Variants in RAD50 observed in about 807,000 individuals in gnomAD.
RAD50 encodes RAD50 double strand break repair protein, also known as DNA repair protein RAD50.
In RAD50, 132 loss-of-function variants were observed where a neutral mutation model predicts 168.8. That is an observed-to-expected ratio of 0.78 (90% CI 0.68 to 0.90). RAD50 has a LOEUF of 0.90. Among genes scored for constraint, RAD50 ranks in the 40% least tolerant of loss-of-function variants. The pLI is 0.00. For missense variants in RAD50, 1,347 were observed against 1,534.4 expected (o/e 0.88, Z 2.04); for synonymous variants, 525 against 497.4 (o/e 1.06, Z -0.74).
At chr5:132,604,191 A>G (rs1750940599) in intron 15 of RAD50, 145 bp downstream of exon 15, 7 of 972,254 alleles carry the variant, frequency 7.2e-6, no homozygotes, top group Non-Finnish European at 1.1e-5. Flanking sequence ...GAAAAGCATC[A>G]CTTCTCTTTG....
chr5:132,613,871 A>T (rs901003755), intron 19 of RAD50, among the ~76,000 whole-genome samples: 1 of 152,190 alleles, frequency 6.6e-6, no homozygotes, highest in African/African-American at 2.4e-5. Context: ...TGCTGGGATT[A>T]CAGGTATGAG....
chr5:132,562,473 G>A (rs1219918402), intron 2 of RAD50, among the ~76,000 whole-genome samples: 1 of 152,120 alleles, frequency 6.6e-6, no homozygotes, highest in Non-Finnish European at 1.5e-5. Context: ...TAATGGTTTG[G>A]ATAATGGTGT....
intron 4 of RAD50, 95 bp downstream of exon 4, chr5:132,579,597 C>A: frequency 7.6e-7 from 1 of 1,323,590 alleles, no homozygotes; most frequent in Non-Finnish European, 1.1e-6. Flanking sequence ...ATTTAAAAAG[C>A]AGAAAGGTCA....
At chr5:132,594,468 G>C (rs1377218073) in intron 11 of RAD50, among the ~76,000 whole-genome samples, 1 of 152,166 alleles carries the variant, frequency 6.6e-6, no homozygotes, top group Non-Finnish European at 1.5e-5. Flanking sequence ...GGATACAAAA[G>C]AAACAGTATT....
In RAD50 at chr5:132,557,350, T is replaced by C; in HGVS notation, c.26T>C (p.Ile9Thr). The C allele has an allele frequency of 6.2e-7, 1 of 1,614,130 alleles. No homozygotes were observed. Among genetic ancestry groups the C allele is most frequent in the Non-Finnish European group, 8.5e-7 (1 of 1,179,950 alleles). The change falls in exon 1 of 25, where the codon ATT becomes ACT. Residue 9 changes from isoleucine to threonine, a missense_variant. Around this residue, in one of 3 missense-constraint regions of RAD50, gnomAD observed 703 missense variants for 767.7 expected, o/e 0.92. Coordinates refer to ENST00000378823, the MANE Select transcript of RAD50 (RefSeq NM_005732.4). MSRIEKMS[I>T]LGVRSFGIED... ...ATGTCCCGGATCGAAAAGATGAGCA[T>C]TCTGGGCGTGCGGAGTTTTGGAATA...
At chr5:132,615,925 C>G in intron 19 of RAD50, 78 bp from the exon 20 acceptor site, 2 of 1,305,468 alleles carry the variant, frequency 1.5e-6, no homozygotes, top group Non-Finnish European at 2.2e-6. Flanking sequence ...ATGGCACTTG[C>G]TGTCACCAGT....
At chr5:132,631,861 G>A (rs967593904) in intron 21 of RAD50, among the ~76,000 whole-genome samples, 3 of 152,068 alleles carry the variant, frequency 2.0e-5, no homozygotes, top group African/African-American at 7.3e-5. Context: ...GTGAGCCACC[G>A]CACCCAGCCC....
chr5:132,602,415 G>A (rs1750904527), intron 13 of RAD50, among the ~76,000 whole-genome samples: 1 of 152,098 alleles, frequency 6.6e-6, no homozygotes, highest in African/African-American at 2.4e-5. Context: ...AGAGGCATCA[G>A]CAAAAATAGT....
chr5:132,579,319 A>G lies in RAD50; in HGVS notation c.368A>G (p.His123Arg), dbSNP rs1185182721. 3 of 1,613,580 alleles carry G rather than the reference A, an allele frequency of 1.9e-6. No individual in the cohort carries two copies. The highest frequency in any genetic ancestry group is 3.3e-5 in the Admixed American group (2 of 60,010). Residue 123 changes from histidine to arginine, a missense_variant and splice_region_variant, in exon 4 of 25, where the codon CAT becomes CGT. Physicochemically the swap from His to Arg is conservative, Grantham distance 29 (BLOSUM62 0). Coordinates refer to ENST00000378823, the MANE Select transcript of RAD50 (RefSeq NM_005732.4). ...TLEGVITRTK[H>R]GEKVSLSSKC... ...TTCTTGATTTTCATTTTCTGTAGGC[A>G]TGGTGAAAAGGTCAGTCTGAGCTCT...
Position 132,640,752 on chromosome 5 carries a change from A to G in RAD50, c.3699A>G (p.Pro1233=). The G allele has an allele frequency of 6.2e-7, 1 of 1,614,230 alleles. No individual in the cohort carries two copies. Among genetic ancestry groups the G allele is most frequent in the Non-Finnish European group, 8.5e-7 (1 of 1,180,040 alleles). Residue 1233 remains proline, a synonymous_variant, in exon 24 of 25, where the codon CCA becomes CCG. Coordinates refer to ENST00000378823, the MANE Select transcript of RAD50 (RefSeq NM_005732.4). ...GTGGCATCATTGCCTTGGATGAGCC[A>G]ACAACAAATCTTGACCGAGAAAACA... is the stretch of plus-strand genomic sequence containing the variant. ...LNCGIIALDE[P]TTNLDRENIE...
intron 2 of RAD50, among the ~76,000 whole-genome samples, chr5:132,575,248 A>G (rs1011755370): frequency 6.6e-6 from 1 of 152,224 alleles, no homozygotes; most frequent in Non-Finnish European, 1.5e-5. Flanking sequence ...CGCAAGTCAC[A>G]TCTTACATGG....
At chr5:132,580,098 T>G in intron 5 of RAD50, 32 bp downstream of exon 5, 1 of 1,519,860 alleles carries the variant, frequency 6.6e-7, no homozygotes, top group Non-Finnish European at 9.1e-7. Flanking sequence ...TTGACAAAAA[T>G]TGTATATCTT....
At position 132,618,059 on chromosome 5, in the gene RAD50, C is replaced by A. The variant is rs1167264648; in HGVS notation, c.3165-11C>A. 3 of 1,608,656 alleles carry A rather than the reference C, an allele frequency of 1.9e-6. No individual in the cohort carries two copies. The highest frequency in any genetic ancestry group is 2.6e-6 in the Non-Finnish European group (3 of 1,176,006). On this transcript the variant is annotated splice_polypyrimidine_tract_variant and intron_variant, in intron 20 of 24. Transcript: ENST00000378823. ...AAAATGGTCCTCATTTGTCATTTTT[C>A]TTTTTTACAGTGAACATCAGAAGTT...
Position 132,603,290 on chromosome 5 carries a change from T to C in RAD50, c.2208-10T>C. On this transcript the variant is annotated splice_polypyrimidine_tract_variant and intron_variant, in intron 13 of 24. Coordinates refer to ENST00000378823, the MANE Select transcript of RAD50 (RefSeq NM_005732.4). ...CAGATACTTTATTTTTAATTGTGTTTTCTATTTAGGCAAAGCATAATTGAT... is the reference window on the plus strand; with the variant it reads ...CAGATACTTTATTTTTAATTGTGTTCTCTATTTAGGCAAAGCATAATTGAT... 6.2e-7 allele frequency: 1 copy of C among 1,603,028 alleles called. No individual in the cohort carries two copies. The highest frequency in any genetic ancestry group is 8.5e-7 in the Non-Finnish European group (1 of 1,172,018).
intron 13 of RAD50, among the ~76,000 whole-genome samples, chr5:132,599,038 T>C (rs897682530): frequency 2.6e-5 from 4 of 152,204 alleles, no homozygotes; most frequent in Non-Finnish European, 4.4e-5. Flanking sequence ...CACATTTGTA[T>C]ATTCTATATT....
chr5:132,559,346 T>A lies in RAD50; in HGVS notation c.192T>A (p.Asn64Lys), dbSNP rs1304316609. Residue 64 changes from asparagine (N) to lysine (K), a missense_variant, in exon 2 of 25, where the codon AAT becomes AAA. Physicochemically the swap from Asn to Lys is moderately conservative, Grantham distance 94. Coordinates refer to ENST00000378823, the MANE Select transcript of RAD50 (RefSeq NM_005732.4). ...ATTTCCCTCCTGGAACCAAAGGAAA[T>A]ACATTTGTACACGATCCCAAGGTAA... The part of the protein sequence containing the change: ...TGDFPPGTKG[N>K]TFVHDPKVAQ... 2 of 1,608,872 alleles carry A rather than the reference T, an allele frequency of 1.2e-6. No homozygotes were observed. Among genetic ancestry groups the A allele is most frequent in the South Asian group, 1.1e-5 (1 of 89,688 alleles).
intron 1 of RAD50, among the ~76,000 whole-genome samples, chr5:132,557,847 G>A (rs181880387): frequency 1.7e-4 from 26 of 152,320 alleles, no homozygotes; most frequent in Admixed American, 1.6e-3. Flanking sequence ...GTTATAAAAT[G>A]ATACATACAT....
chr5:132,633,580 G>GT lies in RAD50; in HGVS notation c.3390-3529dup, dbSNP rs201196022. Among the ~76,000 whole-genome samples the GT allele has an allele frequency of 9.9e-3, 1,457 of 147,730 alleles. 25 individuals are homozygous for GT. The highest frequency in any genetic ancestry group is 0.032 in the African/African-American group (1,271 of 39,818). On this transcript the variant is annotated intron_variant, in intron 21 of 24. Transcript: ENST00000378823. ...TATTTTACCTTAGCTTTTGTTTTTT[G>GT]TTTTTTGTTTTTTCAGACAGGGTCT... is the stretch of plus-strand genomic sequence containing the variant.
At chr5:132,605,482 C>A (rs1336240445) in intron 16 of RAD50, among the ~76,000 whole-genome samples, 1 of 150,672 alleles carries the variant, frequency 6.6e-6, no homozygotes, top group African/African-American at 2.4e-5. Context: ...GTAGATGGGA[C>A]TACAGGCACA....
Sources: allele counts gnomAD v4.1 joint callset (sites outside exome capture counted in the v4.1 genomes callset), GRCh38; gene constraint gnomAD v4.1.1; regional missense constraint gnomAD v4.1.1; transcripts MANE v1.5; gene names NCBI Gene and HGNC (gene_info 2026-07-23, HGNC 2026-07-21).